The following AGAP1 variants were observed in gnomAD, a reference collection of about 807,000 sequenced individuals.
The protein encoded by AGAP1 is ArfGAP with GTPase domain, ankyrin repeat and PH domain 1, also known as arf-GAP with GTPase, ANK repeat and PH domain-containing protein 1.
In AGAP1, 29 loss-of-function variants were observed where a neutral mutation model predicts 105.3. That is an observed-to-expected ratio of 0.28 (90% confidence interval 0.21 to 0.38). The LOEUF is 0.38. Ranked by LOEUF, AGAP1 falls within the 10% of genes least tolerant of loss-of-function variation. The probability of loss-of-function intolerance (pLI) is 1.00; values close to 1 mark genes in which losing one functional copy is unlikely to be tolerated. For synonymous variants in AGAP1, 509 were observed against 485.9 expected, an observed-to-expected ratio of 1.05 and a Z score of -0.63; for missense variants, 998 against 1,165.1, an observed-to-expected ratio of 0.86 and a Z score of 2.09.
chr2:235,769,568 C>G lies in AGAP1; in HGVS notation c.673+19080C>G, dbSNP rs927157248. On this transcript the variant is annotated intron_variant, in intron 6 of 17. Coordinates refer to ENST00000304032, the MANE Select transcript of AGAP1 (RefSeq NM_001037131.3). The surrounding 1 kb of genome is among the most constrained non-coding windows in gnomAD (Gnocchi z 4.4). ...AAAGAAATGCAAACAGTTAGTTGTT[C>G]CGTTCATGCTGTTGCGTGAGATAAG... is the stretch of plus-strand genomic sequence containing the variant. Among the ~76,000 whole-genome samples the G allele has an allele frequency of 1.3e-5, 2 of 152,178 alleles. No individual in the cohort carries two copies. The highest frequency in any genetic ancestry group is 1.3e-4 in the Admixed American group (2 of 15,286).
intron 1 of AGAP1, among the ~76,000 whole-genome samples, chr2:235,541,635 C>T (rs781238865): frequency 4.6e-5 from 7 of 151,244 alleles, no homozygotes; most frequent in African/African-American, 7.3e-5. Context: ...GTGATCTGCC[C>T]GCCTCCGCCT....
At chr2:235,594,844 G>A (rs906976882) in intron 1 of AGAP1, among the ~76,000 whole-genome samples, 1 of 149,362 alleles carries the variant, frequency 6.7e-6, no homozygotes, top group Non-Finnish European at 1.5e-5. Flanking sequence ...AGAGTGCTGG[G>A]ATTACAGGCG....
At chr2:235,534,180 G>C (rs533688065) in intron 1 of AGAP1, among the ~76,000 whole-genome samples, 2 of 152,202 alleles carry the variant, frequency 1.3e-5, no homozygotes, top group Admixed American at 1.3e-4. Context: ...TGCCGACCCC[G>C]GTGGCTCAGG....
intron 1 of AGAP1, among the ~76,000 whole-genome samples, chr2:235,572,885 G>A (rs1288265587): frequency 1.3e-5 from 2 of 152,182 alleles, no homozygotes; most frequent in African/African-American, 4.8e-5. Context: ...TTGGGGGCAG[G>A]CAAGCAGACA....
chr2:235,730,805 G>A (rs563171700), intron 3 of AGAP1, among the ~76,000 whole-genome samples: 6 of 152,262 alleles, frequency 3.9e-5, no homozygotes, highest in East Asian at 3.9e-4. Context: ...GGTGGGTATC[G>A]GAAGATTTTC....
At chr2:235,682,832 C>G (rs950975373) in intron 1 of AGAP1, among the ~76,000 whole-genome samples, 4 of 114,844 alleles carry the variant, frequency 3.5e-5, no homozygotes, top group African/African-American at 1.8e-4. Flanking sequence ...TCAGGCAGCA[C>G]GAGCACGGAA....
intron 16 of AGAP1, among the ~76,000 whole-genome samples, chr2:236,070,744 A>T (rs2058474117): frequency 6.6e-6 from 1 of 152,150 alleles, no homozygotes; most frequent in Admixed American, 6.5e-5. Flanking sequence ...TACGGACAGA[A>T]AGTGGATTGG....
intron 1 of AGAP1, among the ~76,000 whole-genome samples, chr2:235,592,831 A>G (rs1945395825): frequency 1.3e-5 from 2 of 152,070 alleles, no homozygotes; most frequent in East Asian, 1.9e-4. Flanking sequence ...TGGAGAAGAG[A>G]GCACCCCTTG....
intron 1 of AGAP1, among the ~76,000 whole-genome samples, chr2:235,605,749 G>A (rs1486530187): frequency 1.3e-5 from 2 of 152,326 alleles, no homozygotes; most frequent in East Asian, 3.9e-4. Flanking sequence ...GCACATTTTT[G>A]TTGTCTAACA....
Position 235,888,788 on chromosome 2 carries a change from CT to C in AGAP1, c.1155+5340del, listed in dbSNP as rs1341049106. 6.6e-6 allele frequency among the ~76,000 whole-genome samples: 1 copy of C among 152,162 alleles called. No homozygotes were observed. ...CGGCCACCCACTGCCCCAGCCTTCC[CT>C]GTGGCCACTTCAGCTCCTGCGTGCT... On this transcript the variant is annotated intron_variant, in intron 10 of 17. Coordinates refer to ENST00000304032, the MANE Select transcript of AGAP1 (RefSeq NM_001037131.3). This position sits in a 1 kb window ranked among gnomAD's most constrained non-coding sequence, Gnocchi z 4.8.
intron 13 of AGAP1, 121 bp downstream of exon 13, chr2:235,968,744 A>G: frequency 9.5e-7 from 1 of 1,050,656 alleles, no homozygotes; most frequent in Non-Finnish European, 1.4e-6. Flanking sequence ...TGGTCACCGT[A>G]TGTGCTTTCT....
intron 6 of AGAP1, among the ~76,000 whole-genome samples, chr2:235,774,637 G>A (rs1955720802): frequency 1.3e-5 from 2 of 152,220 alleles, no homozygotes; most frequent in Non-Finnish European, 2.9e-5. Context: ...ATAGTCGTTA[G>A]GCTGCTCGCA....
Position 235,723,864 on chromosome 2 carries a change from G to A in AGAP1, c.310+6220G>A, listed in dbSNP as rs886767992. Among the ~76,000 whole-genome samples, 1 of 152,146 alleles carries A rather than the reference G, an allele frequency of 6.6e-6. No homozygotes were observed. Among genetic ancestry groups the A allele is most frequent in the African/African-American group, 2.4e-5 (1 of 41,444 alleles). The stretch of plus-strand genomic sequence containing the variant: ...CTCCAAGCTGCAAAATGAAAGTACC[G>A]AGAGGAAGGTGGGCCATCTGAGAGC... On this transcript the variant is annotated intron_variant, in intron 3 of 17. Transcript: ENST00000304032. The surrounding 1 kb of genome is among the most constrained non-coding windows in gnomAD (Gnocchi z 6.2).
At chr2:235,687,422 G>C (rs530018016) in intron 1 of AGAP1, among the ~76,000 whole-genome samples, 144 of 152,286 alleles carry the variant, frequency 9.5e-4, no homozygotes, top group African/African-American at 3.2e-3. Context: ...TCCCTCTGCA[G>C]ACCTTTGAGT....
intron 9 of AGAP1, among the ~76,000 whole-genome samples, chr2:235,819,554 C>G (rs78287987): frequency 6.6e-6 from 1 of 152,118 alleles, no homozygotes; most frequent in East Asian, 1.9e-4. Flanking sequence ...CTCTTTGATT[C>G]GTACCAGCCC....
rs1219155106 is a variant in AGAP1, at chr2:235,934,978, C to G, written c.1483+4055C>G. Among the ~76,000 whole-genome samples the G allele has an allele frequency of 6.6e-6, 1 of 152,162 alleles. No individual in the cohort carries two copies. Among genetic ancestry groups the G allele is most frequent in the Admixed American group, 6.5e-5 (1 of 15,274 alleles). On this transcript the variant is annotated intron_variant, in intron 12 of 17. Transcript: ENST00000304032. This position sits in a 1 kb window ranked among gnomAD's most constrained non-coding sequence, Gnocchi z 4.9. Reference sequence around the variant, plus strand: ...AGACACACCGGTCCCCCCGGGGTTTCTTCCTTTAAAGCAGCTGTGAGAAAC... The same window carrying G: ...AGACACACCGGTCCCCCCGGGGTTTGTTCCTTTAAAGCAGCTGTGAGAAAC...
In AGAP1 at chr2:235,982,542, G is replaced by T. The variant is rs1183005902; in HGVS notation, c.1645+13919G>T. 1.3e-5 allele frequency among the ~76,000 whole-genome samples: 2 copies of T among 152,148 alleles called. No homozygotes were observed. Among genetic ancestry groups the T allele is most frequent in the Non-Finnish European group, 2.9e-5 (2 of 68,048 alleles). ...TAACCTGTATTATCATTGGTTCTAG[G>T]GGACTACTGAAGATAAGAATTTTCA... is the stretch of plus-strand genomic sequence containing the variant. On this transcript the variant is annotated intron_variant, in intron 13 of 17. Coordinates refer to ENST00000304032, the MANE Select transcript of AGAP1 (RefSeq NM_001037131.3). This position sits in a 1 kb window ranked among gnomAD's most constrained non-coding sequence, Gnocchi z 4.9.
In AGAP1 at chr2:235,951,412, G is replaced by T. The variant is rs576506804; in HGVS notation, c.1484-17050G>T. On this transcript the variant is annotated intron_variant, in intron 12 of 17. Transcript: ENST00000304032. The surrounding 1 kb of genome is among the most constrained non-coding windows in gnomAD (Gnocchi z 4.2). ...AGTCATCGTGAGACAGAGTAGCATG[G>T]AACTGAAAAATGTGTAGCAGGTTTT... Among the ~76,000 whole-genome samples the T allele has an allele frequency of 1.1e-4, 17 of 152,222 alleles. No homozygotes were observed. The highest frequency in any genetic ancestry group is 2.5e-4 in the Non-Finnish European group (17 of 68,040).
Position 235,623,683 on chromosome 2 carries a change from T to A in AGAP1, c.164-85496T>A, listed in dbSNP as rs183591089. On this transcript the variant is annotated intron_variant, in intron 1 of 17. Transcript: ENST00000304032. This position sits in a 1 kb window ranked among gnomAD's most constrained non-coding sequence, Gnocchi z 4.5. ...TGCCATATATTTTTTGACTTTTGGATCTTCACTCCTCCCCTCATTTTGGAC... is the reference window on the plus strand; with the variant it reads ...TGCCATATATTTTTTGACTTTTGGAACTTCACTCCTCCCCTCATTTTGGAC... Among the ~76,000 whole-genome samples the A allele has an allele frequency of 2.5e-3, 378 of 152,316 alleles. 2 individuals are homozygous for A. Among genetic ancestry groups the A allele is most frequent in the East Asian group, 5.2e-3 (27 of 5,184 alleles).
Sources: gnomAD v4.1 joint callset for allele counts (sites outside exome capture counted in the v4.1 genomes callset) on GRCh38, gnomAD v4.1.1 for gene constraint, Gnocchi (gnomAD v3.1) non-coding constraint, MANE v1.5 for transcripts, NCBI Gene and HGNC (gene_info 2026-07-23, HGNC 2026-07-21) for gene names.